The following TYR variants were observed in gnomAD, a reference collection of about 807,000 sequenced individuals.
TYR encodes tyrosinase, also known as LB24-AB.
TYR carries 58 observed loss-of-function variants against 51.5 expected under a neutral mutation model. The ratio of observed to expected loss-of-function variants is 1.13; its 90% CI spans 0.91 to 1.40. TYR has a LOEUF of 1.40. Ranked by LOEUF, TYR falls within the 40% of genes most tolerant of loss-of-function variation. The pLI is 0.00. For missense variants in TYR, 732 were observed against 647.4 expected, an observed-to-expected ratio of 1.13 and a Z score of -1.42; for synonymous variants, 263 against 235.2, an observed-to-expected ratio of 1.12 and a Z score of -1.08.
intron 3 of TYR, among the ~76,000 whole-genome samples, chr11:89,240,345 G>A (rs1466671087): frequency 6.6e-6 from 1 of 152,028 alleles, no homozygotes; most frequent in Admixed American, 6.6e-5. Flanking sequence ...AAAATATTCA[G>A]AAAATACAAA....
rs61754372 is a variant in TYR at position 89,191,257 on chromosome 11, C to T, written c.875C>T (p.Thr292Met). 3.0e-5 allele frequency: 49 copies of T among 1,613,382 alleles called. No homozygotes were observed. Among genetic ancestry groups the T allele is most frequent in the African/African-American group, 6.7e-5 (5 of 74,822 alleles). ...AGCCATCAGTCTTTATGCAATGGAA[C>T]GCCCGAGGGACCTTTACGGCGTAAT... Reference protein sequence around the residue: ...YNSHQSLCNGTPEGPLRRNPG... With the variant: ...YNSHQSLCNGMPEGPLRRNPG... Residue 292 changes from threonine to methionine, a missense_variant, in exon 2 of 5, where the codon ACG (threonine) becomes ATG (methionine). By Grantham distance (81) the Thr-to-Met change is moderately conservative (BLOSUM62 -1). Coordinates refer to ENST00000263321, the MANE Select transcript of TYR (RefSeq NM_000372.5).
intron 2 of TYR, among the ~76,000 whole-genome samples, chr11:89,203,355 A>C (rs899137045): frequency 3.3e-5 from 5 of 152,200 alleles, no homozygotes; most frequent in Admixed American, 6.5e-5. Context: ...GGACTCTGAT[A>C]AACTCCCAAC....
At chr11:89,287,860 G>C (rs1429983610) in intron 4 of TYR, among the ~76,000 whole-genome samples, 1 of 151,902 alleles carries the variant, frequency 6.6e-6, no homozygotes, top group African/African-American at 2.4e-5. Context: ...AAGTTGCAGT[G>C]GTGGTGGCAG....
chr11:89,231,500 G>A (rs1010915036), intron 3 of TYR, among the ~76,000 whole-genome samples: 1 of 142,944 alleles, frequency 7.0e-6, no homozygotes, highest in Non-Finnish European at 1.5e-5. Flanking sequence ...CAACACGGAT[G>A]AACCTGGAGT....
At chr11:89,203,628 G>C (rs1943628899) in intron 2 of TYR, among the ~76,000 whole-genome samples, 1 of 152,172 alleles carries the variant, frequency 6.6e-6, no homozygotes, top group Admixed American at 6.5e-5. Flanking sequence ...GAAGAAGCCA[G>C]GTCAGCTAGG....
intron 3 of TYR, among the ~76,000 whole-genome samples, chr11:89,266,524 C>G (rs192870425): frequency 6.6e-6 from 1 of 151,952 alleles, no homozygotes; most frequent in Non-Finnish European, 1.5e-5. Flanking sequence ...ATCCCTCCAA[C>G]AACAACAACA....
intron 3 of TYR, among the ~76,000 whole-genome samples, chr11:89,260,114 T>C (rs1026889066): frequency 6.6e-5 from 10 of 152,046 alleles, no homozygotes; most frequent in African/African-American, 1.9e-4. Context: ...TTTAATTCAA[T>C]GGAATGAGCA....
chr11:89,239,727 T>C (rs2135290306), intron 3 of TYR, among the ~76,000 whole-genome samples: 1 of 152,256 alleles, frequency 6.6e-6, no homozygotes, highest in African/African-American at 2.4e-5. Flanking sequence ...CCATAAGTTT[T>C]AGTAGTTTGT....
intron 3 of TYR, among the ~76,000 whole-genome samples, chr11:89,241,646 T>C (rs1944195829): frequency 6.6e-6 from 1 of 151,400 alleles, no homozygotes; most frequent in South Asian, 2.1e-4. Flanking sequence ...TTATTATCAA[T>C]ATTATTTCAG....
chr11:89,276,183 C>T (rs1340951055), intron 3 of TYR, among the ~76,000 whole-genome samples: 1 of 151,820 alleles, frequency 6.6e-6, no homozygotes, highest in Non-Finnish European at 1.5e-5. Context: ...AATGCCTCTG[C>T]CTCTATTTGG....
At chr11:89,279,492 T>A (rs937968164) in intron 3 of TYR, among the ~76,000 whole-genome samples, 6 of 151,678 alleles carry the variant, frequency 4.0e-5, no homozygotes, top group African/African-American at 1.2e-4. Flanking sequence ...TTTGTCCAAA[T>A]TTCTGCAACA....
chr11:89,199,746 T>C (rs1351152475), intron 2 of TYR, among the ~76,000 whole-genome samples: 2 of 152,222 alleles, frequency 1.3e-5, no homozygotes, highest in Admixed American at 6.5e-5. Flanking sequence ...TCTTCTCAAC[T>C]TCTCTTATAA....
At chr11:89,244,922 G>T (rs2135294390) in intron 3 of TYR, among the ~76,000 whole-genome samples, 1 of 152,302 alleles carries the variant, frequency 6.6e-6, no homozygotes, top group Non-Finnish European at 1.5e-5. Flanking sequence ...ACGTAACTCT[G>T]CAGTAATAGT....
In TYR at chr11:89,293,454, T is replaced by A. The variant is rs551455456; in HGVS notation, c.1367-1689T>A. The stretch of plus-strand genomic sequence containing the variant: ...TTTCCCCGACATTTAGAAATGCTGT[T>A]CTCTAATGCAGAGGAAATAATACAT... On this transcript the variant is annotated intron_variant, in intron 4 of 4. Coordinates refer to ENST00000263321, the MANE Select transcript of TYR (RefSeq NM_000372.5). Among the ~76,000 whole-genome samples the A allele has an allele frequency of 3.9e-5, 6 of 152,204 alleles. 1 individual carries two copies. The East Asian group carries it at 1.2e-3, about 29-fold the overall frequency.
At chr11:89,266,553 C>T (rs1299264892) in intron 3 of TYR, among the ~76,000 whole-genome samples, 7 of 152,006 alleles carry the variant, frequency 4.6e-5, no homozygotes, top group South Asian at 2.1e-4. Context: ...ATCCAATCTG[C>T]GTAACACCTC....
intron 3 of TYR, among the ~76,000 whole-genome samples, chr11:89,231,170 CAAAA>C (rs1156577257): frequency 3.2e-4 from 21 of 65,588 alleles, no homozygotes; most frequent in African/African-American, 9.8e-4. Flanking sequence ...GACTTCGTCT[CAAAA>C]AAAAAAAAAA....
intron 3 of TYR, among the ~76,000 whole-genome samples, chr11:89,240,441 C>T (rs1055351464): frequency 6.6e-6 from 1 of 151,852 alleles, no homozygotes; most frequent in African/African-American, 2.4e-5. Context: ...TTTTATATTA[C>T]ATTTTGGTTT....
chr11:89,256,267 G>A lies in TYR; in HGVS notation c.1184+28297G>A, dbSNP rs184847278. Among the ~76,000 whole-genome samples, 10 of 151,880 alleles carry A rather than the reference G, an allele frequency of 6.6e-5. No homozygotes were observed. In the East Asian group the frequency reaches 1.5e-3, roughly 23 times the overall value. On this transcript the variant is annotated intron_variant, in intron 3 of 4. Coordinates refer to ENST00000263321, the MANE Select transcript of TYR (RefSeq NM_000372.5). ...GAACGTAAGTTATTGCCTGTAAAAT[G>A]TATGAATTCTAAATACACACGAAGT... is the stretch of plus-strand genomic sequence containing the variant.
At chr11:89,259,012 G>A (rs1944427177) in intron 3 of TYR, among the ~76,000 whole-genome samples, 2 of 151,994 alleles carry the variant, frequency 1.3e-5, no homozygotes, top group Admixed American at 6.6e-5. Flanking sequence ...CTTGCTGCAC[G>A]AATCAGTGGG....
Sources: gnomAD v4.1 joint callset for allele counts (sites outside exome capture counted in the v4.1 genomes callset) on GRCh38, gnomAD v4.1.1 for gene constraint, MANE v1.5 for transcripts, NCBI Gene and HGNC (gene_info 2026-07-23, HGNC 2026-07-21) for gene names.